Variants in C8orf34 observed in about 807,000 individuals in gnomAD.
C8orf34 encodes chromosome 8 open reading frame 34.
Under a neutral mutation model 68.3 loss-of-function variants are expected in C8orf34, and 65 were observed. The observed-to-expected ratio is 0.95, with a 90% confidence interval of 0.78 to 1.17. The LOEUF is 1.17. Among genes scored for constraint, C8orf34 ranks in the 50% most tolerant of loss-of-function variants. The pLI, the probability that C8orf34 is intolerant of heterozygous loss-of-function variation, is 0.00. For missense variants in C8orf34, 664 were observed against 655.4 expected (o/e 1.01, Z -0.14); for synonymous variants, 244 against 241.2 (o/e 1.01, Z -0.11).
intron 7 of C8orf34, among the ~76,000 whole-genome samples, chr8:68,590,443 G>T (rs894354756): frequency 6.6e-6 from 1 of 152,030 alleles, no homozygotes; most frequent in Non-Finnish European, 1.5e-5. Flanking sequence ...AAAGTACAGA[G>T]AACTCAGGAT....
intron 6 of C8orf34, among the ~76,000 whole-genome samples, chr8:68,526,809 A>T (rs1815013753): frequency 6.6e-6 from 1 of 152,188 alleles, no homozygotes; most frequent in South Asian, 2.1e-4. Context: ...AATCAGATCA[A>T]ACTAAATGTT....
intron 8 of C8orf34, among the ~76,000 whole-genome samples, chr8:68,643,341 A>T (rs560782754): frequency 6.6e-6 from 1 of 152,316 alleles, no homozygotes; most frequent in South Asian, 2.1e-4. Flanking sequence ...CTGAGCAATT[A>T]TCAGAGGCAG....
rs1821259180 is a variant in C8orf34, at chr8:68,709,095, A to G, written c.1327+16A>G. On this transcript the variant is annotated intron_variant, in intron 9 of 13. Coordinates refer to ENST00000518698, the MANE Select transcript of C8orf34 (RefSeq NM_052958.4). ...GATTCATTCGGTAAGTTTTAAGTCCAACAATATTTATTGCAGTTCTAGTGG... is the reference window on the plus strand; with the variant it reads ...GATTCATTCGGTAAGTTTTAAGTCCGACAATATTTATTGCAGTTCTAGTGG... 2 of 1,585,082 alleles carry G rather than the reference A, an allele frequency of 1.3e-6. No individual in the cohort carries two copies. Among genetic ancestry groups the G allele is most frequent in the South Asian group, 2.2e-5 (2 of 89,986 alleles).
At chr8:68,440,500 G>A (rs1365257750) in intron 2 of C8orf34, among the ~76,000 whole-genome samples, 1 of 152,106 alleles carries the variant, frequency 6.6e-6, no homozygotes, top group Non-Finnish European at 1.5e-5. Flanking sequence ...GTCCTCTGAA[G>A]AATGTAGACA....
intron 8 of C8orf34, among the ~76,000 whole-genome samples, chr8:68,657,308 G>A (rs1021798824): frequency 6.6e-6 from 1 of 152,098 alleles, no homozygotes; most frequent in Non-Finnish European, 1.5e-5. Context: ...TAAGAGGTGG[G>A]GCCTTTGGGA....
chr8:68,793,915 A>G (rs1350992882), intron 12 of C8orf34, among the ~76,000 whole-genome samples: 1 of 152,234 alleles, frequency 6.6e-6, no homozygotes, highest in Non-Finnish European at 1.5e-5. Flanking sequence ...GGTACGTATA[A>G]AAATGTATTG....
chr8:68,415,850 A>G (rs571410038), intron 1 of C8orf34, among the ~76,000 whole-genome samples: 2 of 152,294 alleles, frequency 1.3e-5, no homozygotes, highest in East Asian at 1.9e-4. Context: ...GTGCTGTTAT[A>G]TACGTAGGGA....
chr8:68,330,453 G>T (rs1391417625), upstream of C8orf34, among the ~76,000 whole-genome samples: 1 of 152,128 alleles, frequency 6.6e-6, no homozygotes, highest in Non-Finnish European at 1.5e-5. Context: ...TTTTGAAAAG[G>T]AAGGCAACTT....
At position 68,416,133 on chromosome 8, in the gene C8orf34, C is replaced by A. The variant is rs917048540; in HGVS notation, c.328-23366C>A. Reference sequence around the variant, plus strand: ...TGAGCAGAAGGTGGTGTTTTATAGACTTTGGGTTCTACTAGGAAGAAGAAC... The same window carrying A: ...TGAGCAGAAGGTGGTGTTTTATAGAATTTGGGTTCTACTAGGAAGAAGAAC... On this transcript the variant is annotated intron_variant, in intron 1 of 13. Transcript: ENST00000518698. Among the ~76,000 whole-genome samples the A allele has an allele frequency of 1.7e-4, 26 of 152,136 alleles. 1 individual carries two copies. The highest frequency in any genetic ancestry group is 1.5e-5 in the Non-Finnish European group (1 of 68,026).
rs183192668 is a variant in C8orf34, at chr8:68,486,844, T to G, written c.737-1179T>G. Among the ~76,000 whole-genome samples the G allele has an allele frequency of 8.5e-5, 13 of 152,286 alleles. No homozygotes were observed. The East Asian group carries it at 2.3e-3, about 27-fold the overall frequency. On this transcript the variant is annotated intron_variant, in intron 4 of 13. Coordinates refer to ENST00000518698, the MANE Select transcript of C8orf34 (RefSeq NM_052958.4). ...TGCTGAACTTCAGCTTCAATTCCTA[T>G]TCTTATTTTCTCCAAGTTCTCCTGG...
intron 1 of C8orf34, among the ~76,000 whole-genome samples, chr8:68,332,719 T>A (rs73254835): frequency 0.014 from 2,070 of 152,240 alleles, 38 homozygotes; most frequent in African/African-American, 0.047. Flanking sequence ...AACTTTAACG[T>A]TGATCTGTCT....
intron 8 of C8orf34, among the ~76,000 whole-genome samples, chr8:68,706,236 C>T (rs530842864): frequency 6.6e-6 from 1 of 152,158 alleles, no homozygotes; most frequent in Non-Finnish European, 1.5e-5. Flanking sequence ...AGTCTGCCTT[C>T]GCAGGAGTGA....
In C8orf34 at chr8:68,594,382, C is replaced by A. The variant is rs183510100; in HGVS notation, c.1106-45994C>A. Among the ~76,000 whole-genome samples, 351 of 152,074 alleles carry A rather than the reference C, an allele frequency of 2.3e-3. 1 individual carries two copies. The highest frequency in any genetic ancestry group is 8.1e-3 in the African/African-American group (337 of 41,518). ...GTGTTCCCTTTATTTAAATATGATT[C>A]CTACTTTCCTCTTACGATGTTTTTC... On this transcript the variant is annotated intron_variant, in intron 7 of 13. Coordinates refer to ENST00000518698, the MANE Select transcript of C8orf34 (RefSeq NM_052958.4).
At chr8:68,791,802 G>A (rs187584507) in intron 12 of C8orf34, 5 of 152,162 alleles carry the variant, frequency 3.3e-5, no homozygotes, top group East Asian at 1.9e-4. Context: ...ATGATGACAC[G>A]GTATAGAGCC....
chr8:68,719,075 T>C (rs1490533481), intron 9 of C8orf34, among the ~76,000 whole-genome samples: 1 of 152,182 alleles, frequency 6.6e-6, no homozygotes, highest in Admixed American at 6.5e-5. Context: ...TATACTCACC[T>C]GTTACTGTTA....
chr8:68,632,739 G>A (rs1024961981), intron 7 of C8orf34, among the ~76,000 whole-genome samples: 1 of 152,228 alleles, frequency 6.6e-6, no homozygotes, highest in African/African-American at 2.4e-5. Context: ...AGCTCCAGCC[G>A]TGGCTAAAAG....
chr8:68,491,762 A>G (rs1813322597), intron 5 of C8orf34, among the ~76,000 whole-genome samples: 1 of 152,242 alleles, frequency 6.6e-6, no homozygotes, highest in Non-Finnish European at 1.5e-5. Context: ...GTAATGGAAC[A>G]TATTCACAGG....
intron 4 of C8orf34, among the ~76,000 whole-genome samples, chr8:68,469,987 CTCT>C (rs1323164157): frequency 1.3e-5 from 2 of 151,250 alleles, no homozygotes; most frequent in African/African-American, 4.8e-5. Context: ...TTTTTCACAG[CTCT>C]TCATTAGACC....
intron 11 of C8orf34, 68 bp downstream of exon 11, chr8:68,776,517 T>A: frequency 1.6e-6 from 2 of 1,264,484 alleles, no homozygotes; most frequent in East Asian, 2.3e-5. Context: ...AGCACTCACT[T>A]AGGCTTTCTC....
Sources: gnomAD v4.1 joint callset for allele counts (sites outside exome capture counted in the v4.1 genomes callset) on GRCh38, gnomAD v4.1.1 for gene constraint, MANE v1.5 for transcripts, NCBI Gene and HGNC (gene_info 2026-07-23, HGNC 2026-07-21) for gene names.